Variants in SBNO2 observed in about 807,000 individuals in gnomAD.
SBNO2 encodes the protein protein strawberry notch homolog 2.
In SBNO2, 89 loss-of-function variants were observed where a neutral mutation model predicts 146.3. The observed-to-expected ratio is 0.61, with a 90% CI of 0.51 to 0.73. The LOEUF (loss-of-function observed/expected upper bound fraction) is 0.73, where lower values mean the gene tolerates loss of function less well. Among genes scored for constraint, SBNO2 ranks in the 30% least tolerant of loss-of-function variants. The pLI is 0.00. For synonymous variants in SBNO2, 1,147 were observed against 892.6 expected, an observed-to-expected ratio of 1.29 and a Z score of -5.08; for missense variants, 2,092 against 2,003.7, an observed-to-expected ratio of 1.04 and a Z score of -0.84.
intron 1 of SBNO2, among the ~76,000 whole-genome samples, chr19:1,171,680 TC>T (rs1178007739): frequency 6.6e-6 from 1 of 152,056 alleles, no homozygotes; most frequent in Non-Finnish European, 1.5e-5. Flanking sequence ...CATCCGTGAC[TC>T]CGCTGGAGCC....
At position 1,157,700 on chromosome 19, in the gene SBNO2, G is replaced by A. The variant is rs761782793; in HGVS notation, c.-126-3298C>T. Among the ~76,000 whole-genome samples the A allele has an allele frequency of 3.9e-5, 6 of 152,196 alleles. No individual in the cohort carries two copies. Among genetic ancestry groups the A allele is most frequent in the Non-Finnish European group, 7.3e-5 (5 of 68,030 alleles). On this transcript the variant is annotated intron_variant, in intron 1 of 31. Transcript: ENST00000361757. The surrounding 1 kb of genome is among the most constrained non-coding windows in gnomAD (Gnocchi z 6.8). ...CAAGGGAGTCGTTGTAAAAGAGAAC[G>A]ATGAAGGTGCTGGTGGCCCAGACAG...
At chr19:1,148,080 G>T (rs1245380973) in intron 3 of SBNO2, among the ~76,000 whole-genome samples, 2 of 152,068 alleles carry the variant, frequency 1.3e-5, no homozygotes, top group African/African-American at 4.8e-5. Flanking sequence ...GCCGTCCCCA[G>T]GGCCTCCTTC....
intron 4 of SBNO2, among the ~76,000 whole-genome samples, chr19:1,141,503 T>C (rs2080136956): frequency 6.6e-6 from 1 of 151,312 alleles, no homozygotes. Context: ...GCTTGAGCAC[T>C]GCGCCTGACC....
intron 23 of SBNO2, 139 bp from the exon 24 acceptor site, chr19:1,111,753 A>G: frequency 3.8e-6 from 1 of 260,302 alleles, no homozygotes. Flanking sequence ...CACCTCCCCC[A>G]GCTCTCAGCC....
At chr19:1,159,161 C>T (rs938907367) in intron 1 of SBNO2, among the ~76,000 whole-genome samples, 4 of 150,340 alleles carry the variant, frequency 2.7e-5, no homozygotes, top group African/African-American at 1.0e-4. Flanking sequence ...CTCTACCTGG[C>T]GGGCGCACAA....
At position 1,150,576 on chromosome 19, in the gene SBNO2, G is replaced by A. The variant is rs1331089348; in HGVS notation, c.94-1134C>T. Among the ~76,000 whole-genome samples the A allele has an allele frequency of 6.6e-6, 1 of 152,098 alleles. No homozygotes were observed. Among genetic ancestry groups the A allele is most frequent in the Non-Finnish European group, 1.5e-5 (1 of 67,984 alleles). On this transcript the variant is annotated intron_variant, in intron 2 of 31. Coordinates refer to ENST00000361757, the MANE Select transcript of SBNO2 (RefSeq NM_014963.3). This position sits in a 1 kb window ranked among gnomAD's most constrained non-coding sequence, Gnocchi z 6.2. ...CACGGACGCCCCCGTGGTCATGGGG[G>A]AGACACCACCAGCCGGGGGCATCAT...
intron 1 of SBNO2, among the ~76,000 whole-genome samples, chr19:1,156,750 G>A (rs1479198278): frequency 6.6e-6 from 1 of 152,126 alleles, no homozygotes; most frequent in East Asian, 1.9e-4. Flanking sequence ...GCCAGGCACA[G>A]ATGTGTGTGA....
chr19:1,122,600 GCCC>G (rs1226261177), intron 9 of SBNO2, 42 bp from the exon 10 acceptor site: 16 of 485,032 alleles, frequency 3.3e-5, no homozygotes, highest in Non-Finnish European at 4.4e-5. Flanking sequence ...CTTCCCCCTC[GCCC>G]CCCGCTTCCG....
chr19:1,172,472 C>T (rs935901427), intron 1 of SBNO2, among the ~76,000 whole-genome samples: 5 of 152,130 alleles, frequency 3.3e-5, no homozygotes, highest in Non-Finnish European at 4.4e-5. Flanking sequence ...AGGGCGTGGA[C>T]GGCACCTGCT....
chr19:1,150,129 T>C lies in SBNO2; in HGVS notation c.94-687A>G, dbSNP rs2080228844. 6.6e-6 allele frequency among the ~76,000 whole-genome samples: 1 copy of C among 152,060 alleles called. No homozygotes were observed. The highest frequency in any genetic ancestry group is 1.9e-4 in the East Asian group (1 of 5,196). ...TGGCCGAATCTCTGGTGGGTCTGAC[T>C]CCAGGCCAGGCTTACCCAACACCCT... On this transcript the variant is annotated intron_variant, in intron 2 of 31. Coordinates refer to ENST00000361757, the MANE Select transcript of SBNO2 (RefSeq NM_014963.3). The surrounding 1 kb of genome is among the most constrained non-coding windows in gnomAD (Gnocchi z 6.2).
intron 4 of SBNO2, chr19:1,128,120 G>A (rs907645734): frequency 2.8e-5 from 14 of 506,158 alleles, no homozygotes; most frequent in South Asian, 1.7e-4. Flanking sequence ...GACAGAGCGA[G>A]AGAGTGAGAC....
At chr19:1,159,583 G>C (rs1348869575) in intron 1 of SBNO2, among the ~76,000 whole-genome samples, 1 of 61,246 alleles carries the variant, frequency 1.6e-5, no homozygotes, top group African/African-American at 7.9e-5. Flanking sequence ...GGGAAGAGCA[G>C]GGGACAGTGG....
intron 4 of SBNO2, among the ~76,000 whole-genome samples, chr19:1,141,773 C>G (rs1206585930): frequency 6.6e-6 from 1 of 152,096 alleles, no homozygotes; most frequent in African/African-American, 2.4e-5. Flanking sequence ...AGGCTTGCAC[C>G]ACCATGCCCG....
At chr19:1,168,277 G>C (rs898871401) in intron 1 of SBNO2, among the ~76,000 whole-genome samples, 7 of 151,978 alleles carry the variant, frequency 4.6e-5, no homozygotes, top group Non-Finnish European at 7.4e-5. Context: ...CCAAGCTCCT[G>C]GCGGGTAGCA....
At chr19:1,141,275 C>T (rs1351604450) in intron 4 of SBNO2, among the ~76,000 whole-genome samples, 1 of 151,802 alleles carries the variant, frequency 6.6e-6, no homozygotes, top group African/African-American at 2.4e-5. Context: ...AATGCAGTGG[C>T]GCAATCTCGG....
chr19:1,127,511 G>C (rs748494364), intron 5 of SBNO2, 93 bp downstream of exon 5: 2 of 1,203,706 alleles, frequency 1.7e-6, no homozygotes, highest in Admixed American at 1.8e-5. Flanking sequence ...CGCAGAGTGG[G>C]GGAGACTGAG....
At chr19:1,120,346 G>A (rs1245013189) in intron 11 of SBNO2, among the ~76,000 whole-genome samples, 1 of 152,148 alleles carries the variant, frequency 6.6e-6, no homozygotes, top group Non-Finnish European at 1.5e-5. Flanking sequence ...CATCGGAGGA[G>A]GATACCTGGA....
chr19:1,156,284 G>A (rs1450774700), intron 1 of SBNO2, among the ~76,000 whole-genome samples: 1 of 152,148 alleles, frequency 6.6e-6, no homozygotes, highest in Non-Finnish European at 1.5e-5. Context: ...TTCTTCAAGG[G>A]GAGGGCTTCA....
rs200419778 is a variant in SBNO2 at position 1,114,371 on chromosome 19, G to A, written c.1937C>T (p.Ala646Val). Reference sequence around the variant, plus strand: ...GTCGTCACTGATGCGGATGACGCCCGCTGTCTCGCACGCCAGCCGGGGGGC... The same window carrying A: ...GTCGTCACTGATGCGGATGACGCCCACTGTCTCGCACGCCAGCCGGGGGGC... ...AKAPRLACETAGVIRISDDSS... is the reference protein window; with the variant it reads ...AKAPRLACETVGVIRISDDSS... The change falls in exon 18 of 32, where the codon GCG becomes GTG. Residue 646 changes from alanine (A) to valine (V), a missense_variant. By Grantham distance (64) the Ala-to-Val change is moderately conservative (BLOSUM62 0). Transcript: ENST00000361757. The A allele has an allele frequency of 2.5e-4, 395 of 1,554,874 alleles. 2 individuals carry two copies. The highest frequency in any genetic ancestry group is 2.4e-3 in the African/African-American group (178 of 73,336).
Sources: allele counts gnomAD v4.1 joint callset (sites outside exome capture counted in the v4.1 genomes callset), GRCh38; gene constraint gnomAD v4.1.1; non-coding constraint Gnocchi (gnomAD v3.1); transcripts MANE v1.5; gene names NCBI Gene and HGNC (gene_info 2026-07-23, HGNC 2026-07-21).